AKT1: variants seen among roughly 807,000 people sequenced by gnomAD.
AKT1 encodes RAC-alpha serine/threonine-protein kinase.
Under a neutral mutation model 63.1 loss-of-function variants are expected in AKT1, and 21 were observed. That is an observed-to-expected ratio of 0.33 (90% CI 0.24 to 0.48). The LOEUF (loss-of-function observed/expected upper bound fraction) is 0.48. Ranked by LOEUF, AKT1 falls within the 20% of genes least tolerant of loss-of-function variation. The pLI, the probability that AKT1 is intolerant of heterozygous loss-of-function variation, is 0.99. For synonymous variants in AKT1, 257 were observed against 253.1 expected (o/e 1.02, Z -0.15); for missense variants, 382 against 666.0 (o/e 0.57, Z 4.69).
intron 3 of AKT1, among the ~76,000 whole-genome samples, chr14:104,789,227 A>C (rs986493881): frequency 6.6e-6 from 1 of 152,186 alleles, no homozygotes; most frequent in African/African-American, 2.4e-5. Context: ...AGAGCACCTC[A>C]TCCTGGGTCC....
At chr14:104,790,496 T>A (rs994242747) in intron 3 of AKT1, among the ~76,000 whole-genome samples, 1 of 152,218 alleles carries the variant, frequency 6.6e-6, no homozygotes, top group Non-Finnish European at 1.5e-5. Flanking sequence ...GCACAGCACA[T>A]CTGCAAGACA....
intron 3 of AKT1, among the ~76,000 whole-genome samples, chr14:104,789,278 T>C (rs1595261593): frequency 6.6e-6 from 1 of 152,176 alleles, no homozygotes; most frequent in Non-Finnish European, 1.5e-5. Flanking sequence ...CCTGACCCAC[T>C]TGGTCCAGCC....
chr14:104,772,860 G>A lies in AKT1; in HGVS notation c.1172+18C>T, dbSNP rs777059370. 2.5e-6 allele frequency: 4 copies of A among 1,599,658 alleles called. No individual in the cohort carries two copies. Among genetic ancestry groups the A allele is most frequent in the Admixed American group, 1.7e-5 (1 of 59,330 alleles). ...GGGGATGGAGGTGTAGCCTGTAGCT[G>A]GGATGGGCGGCCCTCACCTCTGCTT... On this transcript the variant is annotated intron_variant, in intron 12 of 14. Transcript: ENST00000649815.
chr14:104,782,071 C>G (rs1296286172), intron 3 of AKT1, among the ~76,000 whole-genome samples: 2 of 152,146 alleles, frequency 1.3e-5, no homozygotes, highest in Non-Finnish European at 2.9e-5. Flanking sequence ...AGCTCCACCC[C>G]GCCTCCCACG....
intron 11 of AKT1, 41 bp from the exon 12 acceptor site, chr14:104,773,133 T>A (rs370287868): frequency 6.2e-7 from 1 of 1,611,596 alleles, no homozygotes; most frequent in Admixed American, 1.7e-5. Flanking sequence ...CATCAAGGGG[T>A]GTCCGGGACA....
Position 104,769,832 on chromosome 14 carries a change from T to TG in AKT1, c.*508dup, listed in dbSNP as rs1566814524. 2 of 392,144 alleles carry TG rather than the reference T, an allele frequency of 5.1e-6. No homozygotes were observed. The highest frequency in any genetic ancestry group is 9.5e-6 in the Non-Finnish European group (2 of 210,230). The allele number at this position is 392,144 out of a possible 1,614,324, so 24.3% of individuals were successfully genotyped here. ...GTCCTCAGAGACACGGCCTTAGTGC[T>TG]GGGGGGCTGCTGTGTGCCTGCCACC... is the stretch of plus-strand genomic sequence containing the variant. On this transcript the variant is annotated 3_prime_UTR_variant, in exon 15 of 15. Transcript: ENST00000649815.
At chr14:104,773,425 C>A in intron 10 of AKT1, 30 bp downstream of exon 10, 3 of 1,613,960 alleles carry the variant, frequency 1.9e-6, no homozygotes, top group Non-Finnish European at 2.5e-6. Context: ...GCCCCCAGGG[C>A]CCTGCCCCCC....
At chr14:104,775,912 A>G in intron 5 of AKT1, 113 bp from the exon 6 acceptor site, 1 of 1,359,632 alleles carries the variant, frequency 7.4e-7, no homozygotes, top group East Asian at 2.5e-5. Flanking sequence ...CGGGGTTCCC[A>G]GAGACAGCCC....
At position 104,774,929 on chromosome 14, in the gene AKT1, C is replaced by G. The variant is rs1238078801; in HGVS notation, c.633+9G>C. 1 of 1,610,112 alleles carries G rather than the reference C, an allele frequency of 6.2e-7. No homozygotes were observed. The highest frequency in any genetic ancestry group is 8.5e-7 in the Non-Finnish European group (1 of 1,178,738). On this transcript the variant is annotated intron_variant, in intron 8 of 14. Transcript: ENST00000649815. The stretch of plus-strand genomic sequence containing the variant: ...CCAGCCCTTCAGCCCCATCTGGGCT[C>G]CCACTCACTGTGAGGAAGGGGTGCC...
At chr14:104,793,974 C>G (rs1165557420) in intron 1 of AKT1, 2 of 152,360 alleles carry the variant, frequency 1.3e-5, no homozygotes, top group East Asian at 1.9e-4. Context: ...CGCTCTCCCC[C>G]CAGGCCACCT....
At position 104,785,796 on chromosome 14, in the gene AKT1, C is replaced by T. The variant is rs149212562; in HGVS notation, c.47-5580G>A. On this transcript the variant is annotated intron_variant, in intron 3 of 14. Transcript: ENST00000649815. ...CACACACCCCGGGAGGAACATGGTG[C>T]GGGCAGGCGGCACCACCATGACCCC... is the stretch of plus-strand genomic sequence containing the variant. Among the ~76,000 whole-genome samples the T allele has an allele frequency of 1.6e-3, 248 of 152,266 alleles. 1 individual carries two copies. The highest frequency in any genetic ancestry group is 5.7e-3 in the African/African-American group (236 of 41,558).
Position 104,769,786 on chromosome 14 carries a change from AG to A in AKT1, c.*554del. 1 of 386,520 alleles carries A rather than the reference AG, an allele frequency of 2.6e-6. No individual in the cohort carries two copies. Among genetic ancestry groups the A allele is most frequent in the Non-Finnish European group, 4.9e-6 (1 of 205,742 alleles). 23.9% of individuals were successfully genotyped at this position (386,520 alleles called of 1,614,324 possible). On this transcript the variant is annotated 3_prime_UTR_variant, in exon 15 of 15. Transcript: ENST00000649815. ...CATCCCCCATCCCTGGTCCCATCCC[AG>A]GGGCCCAGCCTCCGATGACGTCCTC...
Position 104,775,228 on chromosome 14 carries a change from C to G in AKT1, c.436-21G>C, listed in dbSNP as rs199567599. The G allele has an allele frequency of 3.8e-4, 620 of 1,612,570 alleles. 8 individuals carry two copies. The African/African-American group carries it at 7.0e-3, about 18-fold the overall frequency. Reference sequence around the variant, plus strand: ...ATGGTCTATGGGCAGGCACCAGGGTCAGCAAGCGGCGCTGCCAACAGTGCC... The same window carrying G: ...ATGGTCTATGGGCAGGCACCAGGGTGAGCAAGCGGCGCTGCCAACAGTGCC... On this transcript the variant is annotated intron_variant, in intron 6 of 14. Transcript: ENST00000649815.
Position 104,793,181 on chromosome 14 carries a change from A to G in AKT1, c.-134T>C. ...CCAGGCAGCCCCTTTGACTTCTTTG[A>G]CCCAGGCTGGCTCGGCCTTCCCTAA... On this transcript the variant is annotated 5_prime_UTR_variant, in exon 2 of 15. Transcript: ENST00000649815. The G allele has an allele frequency of 5.3e-6, 1 of 188,312 alleles. No individual in the cohort carries two copies. Among genetic ancestry groups the G allele is most frequent in the Non-Finnish European group, 1.1e-5 (1 of 88,694 alleles). The allele number at this position is 188,312 out of a possible 1,614,324, so 11.7% of individuals were successfully genotyped here.
Position 104,792,610 on chromosome 14 carries a change from G to A in AKT1, c.34C>T (p.Leu12=). The A allele has an allele frequency of 6.2e-7, 1 of 1,612,012 alleles. No homozygotes were observed. ...SDVAIVKEGW[L]HKRGEYIKTW... is the part of the protein sequence containing the mutation. The stretch of plus-strand genomic sequence containing the variant: ...AGCGGGTACTAACCTCGTTTGTGCA[G>A]CCAACCCTCCTTCACAATAGCCACG... The change falls in exon 3 of 15, where the codon CTG becomes TTG. Residue 12 remains leucine, a synonymous_variant. Coordinates refer to ENST00000649815, the MANE Select transcript of AKT1 (RefSeq NM_001382430.1).
In AKT1 at chr14:104,772,873, C is replaced by T. The variant is rs751392710; in HGVS notation, c.1172+5G>A. 7 of 1,605,858 alleles carry T rather than the reference C, an allele frequency of 4.4e-6. No individual in the cohort carries two copies. The highest frequency in any genetic ancestry group is 4.5e-5 in the East Asian group (2 of 44,768). ...TAGCCTGTAGCTGGGATGGGCGGCC[C>T]TCACCTCTGCTTGGGGTCCTTCTTG... is the stretch of plus-strand genomic sequence containing the variant. On this transcript the variant is annotated splice_donor_5th_base_variant and intron_variant, in intron 12 of 14. Coordinates refer to ENST00000649815, the MANE Select transcript of AKT1 (RefSeq NM_001382430.1).
intron 3 of AKT1, among the ~76,000 whole-genome samples, chr14:104,790,936 C>T (rs1320953090): frequency 1.3e-5 from 2 of 152,210 alleles, no homozygotes; most frequent in African/African-American, 4.8e-5. Context: ...GATAGAGTGG[C>T]TAACCAGGGT....
chr14:104,778,877 T>C lies in AKT1; in HGVS notation c.175+1211A>G, dbSNP rs566506437. Among the ~76,000 whole-genome samples the C allele has an allele frequency of 2.6e-5, 4 of 152,144 alleles. 1 individual carries two copies. In the South Asian group the frequency reaches 6.2e-4, roughly 24 times the overall value. On this transcript the variant is annotated intron_variant, in intron 4 of 14. Coordinates refer to ENST00000649815, the MANE Select transcript of AKT1 (RefSeq NM_001382430.1). ...GATGGAACCTAAGGCCAGCCCCTGG[T>C]GGGCACCTCGCTCTGCACCACAGAC...
rs532385857 is a variant in AKT1 at position 104,770,066 on chromosome 14, T to C, written c.*275A>G. The C allele has an allele frequency of 7.4e-6, 4 of 541,938 alleles. No individual in the cohort carries two copies. The East Asian group carries it at 1.3e-4, about 17-fold the overall frequency. 33.6% of individuals were successfully genotyped at this position (541,938 alleles called of 1,614,324 possible). A position where few individuals can be genotyped will look rare whatever the true frequency, so the allele number is the denominator to read the frequency against. ...CATAGCTGCAGAAGTCCTTAACATTTCCCTACGTGAATCGGATTGTTCTGA... is the reference window on the plus strand; with the variant it reads ...CATAGCTGCAGAAGTCCTTAACATTCCCCTACGTGAATCGGATTGTTCTGA... On this transcript the variant is annotated 3_prime_UTR_variant, in exon 15 of 15. Transcript: ENST00000649815.
Sources: gnomAD v4.1 joint callset for allele counts (sites outside exome capture counted in the v4.1 genomes callset) on GRCh38, gnomAD v4.1.1 for gene constraint, MANE v1.5 for transcripts, NCBI Gene and HGNC (gene_info 2026-07-23, HGNC 2026-07-21) for gene names.